Variants in KCNMB4 observed in about 807,000 individuals in gnomAD.
KCNMB4 encodes the protein calcium-activated potassium channel subunit beta-4.
Under a neutral mutation model 20.7 loss-of-function variants are expected in KCNMB4, and 3 were observed. The ratio of observed to expected loss-of-function variants is 0.14; its 90% CI spans 0.07 to 0.37. The LOEUF (loss-of-function observed/expected upper bound fraction) is 0.37. KCNMB4 is among the 10% of genes least tolerant of loss of function. The pLI is 1.00. For missense variants in KCNMB4, 168 were observed against 265.9 expected (o/e 0.63, Z 2.56); for synonymous variants, 110 against 113.4 (o/e 0.97, Z 0.19).
At chr12:70,368,292 C>T (rs1173749727) in intron 1 of KCNMB4, among the ~76,000 whole-genome samples, 5 of 151,972 alleles carry the variant, frequency 3.3e-5, no homozygotes, top group Non-Finnish European at 7.4e-5. Context: ...TGCAATAAAA[C>T]TTGTGGTCTT....
intron 2 of KCNMB4, among the ~76,000 whole-genome samples, chr12:70,407,037 A>G (rs1406336720): frequency 6.6e-6 from 1 of 152,086 alleles, no homozygotes; most frequent in Non-Finnish European, 1.5e-5. Context: ...AGATCCCACA[A>G]ATTAAAGGGT....
In KCNMB4 at chr12:70,431,058, TAAA is replaced by T. The variant is rs758534772; in HGVS notation, c.*417_*419del. On this transcript the variant is annotated 3_prime_UTR_variant, in exon 3 of 3. Coordinates refer to ENST00000258111, the MANE Select transcript of KCNMB4 (RefSeq NM_014505.6). ...TTTTTATGCTTAGAACACCAGGGTT[TAAA>T]AAAAAAAAAAAGGTGAGGACATCTG... 2.8e-5 allele frequency: 4 copies of T among 142,028 alleles called. No individual in the cohort carries two copies. The highest frequency in any genetic ancestry group is 6.2e-5 in the Non-Finnish European group (4 of 64,780). 8.8% of individuals were successfully genotyped at this position (142,028 alleles called of 1,614,324 possible). A position where few individuals can be genotyped will look rare whatever the true frequency, so the allele number is the denominator to read the frequency against.
At chr12:70,372,947 A>G (rs1323607641) in intron 1 of KCNMB4, among the ~76,000 whole-genome samples, 2 of 152,216 alleles carry the variant, frequency 1.3e-5, no homozygotes, top group Non-Finnish European at 2.9e-5. Context: ...TGGAATGAAG[A>G]GAACATCAAA....
At position 70,366,724 on chromosome 12, in the gene KCNMB4, A is replaced by AG. The variant is rs1883500199; in HGVS notation, c.-10dup. On this transcript the variant is annotated 5_prime_UTR_variant, in exon 1 of 3. Transcript: ENST00000258111. ...CGGGGGGAGCACGCCAGCCGCCGAG[A>AG]GTGGGGGGCGATGGCGAAGCTCCGG... The AG allele has an allele frequency of 7.1e-6, 11 of 1,540,924 alleles. No individual in the cohort carries two copies. Among genetic ancestry groups the AG allele is most frequent in the Non-Finnish European group, 9.6e-6 (11 of 1,143,898 alleles).
chr12:70,394,595 ATGTG>A (rs1868333964), intron 1 of KCNMB4, among the ~76,000 whole-genome samples: 1 of 152,150 alleles, frequency 6.6e-6, no homozygotes, highest in Non-Finnish European at 1.5e-5. Flanking sequence ...AGGACTCTGT[ATGTG>A]TGTATGTGTG....
intron 2 of KCNMB4, among the ~76,000 whole-genome samples, chr12:70,414,157 G>C (rs1260618181): frequency 6.6e-6 from 1 of 152,046 alleles, no homozygotes; most frequent in Non-Finnish European, 1.5e-5. Context: ...GCTTGAACCC[G>C]GGAGGCAGAG....
intron 2 of KCNMB4, among the ~76,000 whole-genome samples, 180 bp from the exon 3 acceptor site, chr12:70,430,305 C>T (rs1399757068): frequency 6.6e-6 from 1 of 152,150 alleles, no homozygotes; most frequent in Non-Finnish European, 1.5e-5. Context: ...TTACTTGACT[C>T]AAGAGCTCAA....
chr12:70,375,511 C>T (rs1370150997), intron 1 of KCNMB4, among the ~76,000 whole-genome samples: 1 of 151,636 alleles, frequency 6.6e-6, no homozygotes, highest in Admixed American at 6.6e-5. Flanking sequence ...GACATGATGA[C>T]ATACACTGGT....
intron 2 of KCNMB4, among the ~76,000 whole-genome samples, chr12:70,406,485 G>T (rs1039815279): frequency 6.6e-6 from 1 of 152,148 alleles, no homozygotes; most frequent in Non-Finnish European, 1.5e-5. Context: ...TGAAGAAAAC[G>T]AGACAGAATG....
chr12:70,394,161 C>T (rs931452967), intron 1 of KCNMB4, among the ~76,000 whole-genome samples: 2 of 152,134 alleles, frequency 1.3e-5, no homozygotes, highest in African/African-American at 4.8e-5. Context: ...CTATGCAGTA[C>T]TCAGCAATCA....
intron 1 of KCNMB4, among the ~76,000 whole-genome samples, chr12:70,395,725 T>C (rs1413521936): frequency 2.0e-5 from 3 of 152,178 alleles, no homozygotes; most frequent in African/African-American, 7.2e-5. Context: ...GTTCAAAAAA[T>C]CTTTTTCGAA....
At chr12:70,409,202 C>A (rs374065550) in intron 2 of KCNMB4, among the ~76,000 whole-genome samples, 7 of 152,132 alleles carry the variant, frequency 4.6e-5, no homozygotes, top group Non-Finnish European at 7.4e-5. Flanking sequence ...CAAACACACA[C>A]GTCAAATGAA....
At chr12:70,407,186 A>G (rs1565862874) in intron 2 of KCNMB4, among the ~76,000 whole-genome samples, 1 of 152,136 alleles carries the variant, frequency 6.6e-6, no homozygotes, top group East Asian at 1.9e-4. Flanking sequence ...AGAATGGCTC[A>G]CAGAACACTA....
intron 2 of KCNMB4, among the ~76,000 whole-genome samples, chr12:70,427,533 G>A (rs1044836468): frequency 6.6e-6 from 1 of 152,176 alleles, no homozygotes; most frequent in Admixed American, 6.5e-5. Context: ...GAACGCTTTT[G>A]AAGTAATTAC....
intron 1 of KCNMB4, among the ~76,000 whole-genome samples, chr12:70,391,444 A>T (rs787941): frequency 5.3e-5 from 8 of 151,942 alleles, no homozygotes; most frequent in Admixed American, 1.3e-4. Context: ...CTATGACTAA[A>T]GACATATACC....
rs1883502886 is a variant in KCNMB4 at position 70,366,826 on chromosome 12, C to G, written c.92C>G (p.Ser31Trp). The change falls in exon 1 of 3, where the codon TCG becomes TGG. Residue 31 changes from serine to tryptophan, a missense_variant. Coordinates refer to ENST00000258111, the MANE Select transcript of KCNMB4 (RefSeq NM_014505.6). ...GLFLIISGVV[S>W]LFIFGFCWLS... is the part of the protein sequence containing the mutation. ...TTTCTCATCATCTCCGGCGTCGTGTCGCTCTTCATCTTCGGCTTCTGCTGG... is the reference window on the plus strand; with the variant it reads ...TTTCTCATCATCTCCGGCGTCGTGTGGCTCTTCATCTTCGGCTTCTGCTGG... The G allele has an allele frequency of 6.2e-7, 1 of 1,612,748 alleles. No homozygotes were observed. Among genetic ancestry groups the G allele is most frequent in the Non-Finnish European group, 8.5e-7 (1 of 1,179,856 alleles).
In KCNMB4 at chr12:70,367,008, TC is replaced by T; in HGVS notation, c.275del (p.Ser92LeufsTer17). 4 of 1,593,510 alleles carry T rather than the reference TC, an allele frequency of 2.5e-6. No individual in the cohort carries two copies. The highest frequency in any genetic ancestry group is 3.4e-6 in the Non-Finnish European group (4 of 1,167,680). ...CTGCGTCCAGGTCTACGTGAACAAC[TC>T]TGAGTCCAACTCTAGGGCGCTGCTG... is the stretch of plus-strand genomic sequence containing the variant. ...YPCVQVYVNN[S>X]ESNSRALLHS... On this transcript the variant is annotated frameshift_variant, in exon 1 of 3. Transcript: ENST00000258111. LOFTEE classifies it high-confidence loss of function.
intron 2 of KCNMB4, among the ~76,000 whole-genome samples, chr12:70,428,674 TAAG>T (rs1869277127): frequency 6.6e-6 from 1 of 152,194 alleles, no homozygotes; most frequent in Non-Finnish European, 1.5e-5. Context: ...GCATGGATAA[TAAG>T]GCTGCAACAG....
chr12:70,373,800 T>C (rs1883639117), intron 1 of KCNMB4, among the ~76,000 whole-genome samples: 1 of 152,058 alleles, frequency 6.6e-6, no homozygotes, highest in Non-Finnish European at 1.5e-5. Context: ...CTGTACCACG[T>C]AGTAAGATCC....
Sources: gnomAD v4.1 joint callset for allele counts (sites outside exome capture counted in the v4.1 genomes callset) on GRCh38, gnomAD v4.1.1 for gene constraint, MANE v1.5 for transcripts, NCBI Gene and HGNC (gene_info 2026-07-23, HGNC 2026-07-21) for gene names.